Variants in KANSL1L observed in about 807,000 individuals in gnomAD.
KANSL1L encodes the protein KAT8 regulatory NSL complex subunit 1-like protein.
In KANSL1L, 25 loss-of-function variants were observed where a neutral mutation model predicts 108.6. That is an observed-to-expected ratio of 0.23 (90% CI 0.17 to 0.32). The LOEUF is 0.32. Among genes scored for constraint, KANSL1L ranks in the 10% least tolerant of loss-of-function variants. The pLI, the probability that KANSL1L is intolerant of heterozygous loss-of-function variation, is 1.00. For missense variants in KANSL1L, 1,137 were observed against 1,125.7 expected (o/e 1.01, Z -0.14); for synonymous variants, 405 against 395.1 (o/e 1.03, Z -0.30).
intron 6 of KANSL1L, among the ~76,000 whole-genome samples, chr2:210,068,378 C>G (rs903426541): frequency 6.6e-6 from 1 of 151,988 alleles, no homozygotes; most frequent in Non-Finnish European, 1.5e-5. Context: ...CCCACACACA[C>G]AGAGAATGCA....
chr2:210,149,495 A>G (rs1024949301), intron 2 of KANSL1L, among the ~76,000 whole-genome samples: 6 of 152,160 alleles, frequency 3.9e-5, no homozygotes, highest in Non-Finnish European at 8.8e-5. Flanking sequence ...TTGGTATTTT[A>G]TGTTTAAAGT....
chr2:210,057,756 T>G (rs1240546598), intron 6 of KANSL1L, among the ~76,000 whole-genome samples: 6 of 152,344 alleles, frequency 3.9e-5, no homozygotes, highest in Non-Finnish European at 5.9e-5. Flanking sequence ...TTCTTACGCC[T>G]GTCTTTACCA....
chr2:210,146,512 C>G (rs2095267036), intron 2 of KANSL1L, among the ~76,000 whole-genome samples: 1 of 152,176 alleles, frequency 6.6e-6, no homozygotes. Flanking sequence ...CCATATAGGA[C>G]ATAAATGCCA....
At chr2:210,093,608 CT>C (rs1357274563) in intron 5 of KANSL1L, among the ~76,000 whole-genome samples, 1 of 152,186 alleles carries the variant, frequency 6.6e-6, no homozygotes, top group Non-Finnish European at 1.5e-5. Flanking sequence ...GCTTTGCTTA[CT>C]TTTTGAGCTC....
chr2:210,103,850 G>T (rs529410849), intron 4 of KANSL1L, among the ~76,000 whole-genome samples: 8 of 151,760 alleles, frequency 5.3e-5, no homozygotes, highest in African/African-American at 1.9e-4. Flanking sequence ...TCTAATCCCT[G>T]TAAAAATAAA....
intron 1 of KANSL1L, among the ~76,000 whole-genome samples, chr2:210,164,440 A>G (rs2125682097): frequency 6.6e-6 from 1 of 152,256 alleles, no homozygotes; most frequent in South Asian, 2.1e-4. Flanking sequence ...ATTGGGCAGG[A>G]GTATTTGGAT....
chr2:210,057,465 G>C (rs1017672250), intron 6 of KANSL1L, among the ~76,000 whole-genome samples: 2 of 152,146 alleles, frequency 1.3e-5, no homozygotes, highest in Non-Finnish European at 2.9e-5. Context: ...ACTTTGGGAG[G>C]CTGAGACAGG....
At chr2:210,067,012 A>C (rs1193674366) in intron 6 of KANSL1L, among the ~76,000 whole-genome samples, 1 of 152,218 alleles carries the variant, frequency 6.6e-6, no homozygotes, top group Non-Finnish European at 1.5e-5. Flanking sequence ...GATAGCACGA[A>C]TAAAACAAAA....
chr2:210,058,502 G>C (rs751006577), intron 6 of KANSL1L, among the ~76,000 whole-genome samples: 4 of 151,868 alleles, frequency 2.6e-5, no homozygotes, highest in Non-Finnish European at 5.9e-5. Context: ...CACCCTATTC[G>C]TACAGTCCCC....
chr2:210,092,123 CTA>C (rs1397207844), intron 5 of KANSL1L, among the ~76,000 whole-genome samples: 2 of 152,098 alleles, frequency 1.3e-5, no homozygotes, highest in Non-Finnish European at 2.9e-5. Context: ...TTCACATTTC[CTA>C]TATGTCCAGA....
At chr2:210,040,772 A>G (rs61407359) in intron 7 of KANSL1L, among the ~76,000 whole-genome samples, 2,527 of 152,260 alleles carry the variant, frequency 0.017, 68 homozygotes, top group African/African-American at 0.058. Context: ...CTAACAGAGA[A>G]ACAACTTCAT....
chr2:210,096,716 T>G, intron 5 of KANSL1L: 1 of 956,898 alleles, frequency 1.0e-6, no homozygotes, highest in Non-Finnish European at 1.2e-6. Flanking sequence ...ATCATAGTTA[T>G]CCTATACAAT....
At chr2:210,060,230 T>A (rs2094405004) in intron 6 of KANSL1L, among the ~76,000 whole-genome samples, 1 of 152,208 alleles carries the variant, frequency 6.6e-6, no homozygotes, top group African/African-American at 2.4e-5. Context: ...ACTGGATTAT[T>A]TTATTAAACC....
chr2:210,172,103 T>A (rs1688371867), upstream of KANSL1L, among the ~76,000 whole-genome samples: 1 of 151,480 alleles, frequency 6.6e-6, no homozygotes, highest in Non-Finnish European at 1.5e-5. Context: ...ACAAACGGAG[T>A]TTATGTGGAG....
intron 6 of KANSL1L, among the ~76,000 whole-genome samples, chr2:210,049,960 T>G (rs2094271475): frequency 6.6e-6 from 1 of 152,164 alleles, no homozygotes; most frequent in South Asian, 2.1e-4. Flanking sequence ...ATCTACCAGT[T>G]TGTTGCATGG....
At chr2:210,055,589 G>C (rs1179597054) in intron 6 of KANSL1L, among the ~76,000 whole-genome samples, 3 of 152,168 alleles carry the variant, frequency 2.0e-5, no homozygotes, top group Non-Finnish European at 4.4e-5. Context: ...TGAAAATGCT[G>C]ATAGAGATAT....
intron 5 of KANSL1L, among the ~76,000 whole-genome samples, chr2:210,097,693 C>G (rs925245954): frequency 2.0e-5 from 3 of 151,978 alleles, no homozygotes; most frequent in Non-Finnish European, 2.9e-5. Flanking sequence ...TGATAGCTAC[C>G]AATGTTCTGT....
intron 6 of KANSL1L, among the ~76,000 whole-genome samples, chr2:210,048,705 T>C (rs1227793923): frequency 6.6e-6 from 1 of 152,126 alleles, no homozygotes; most frequent in Non-Finnish European, 1.5e-5. Context: ...ACTCTCATCA[T>C]GTGGCCTTAG....
intron 6 of KANSL1L, among the ~76,000 whole-genome samples, chr2:210,054,362 A>AT (rs1166344110): frequency 6.6e-6 from 1 of 150,868 alleles, no homozygotes; most frequent in Admixed American, 6.6e-5. Flanking sequence ...CTATAACACC[A>AT]TTTTTTACCT....
Sources: allele counts gnomAD v4.1 joint callset (sites outside exome capture counted in the v4.1 genomes callset), GRCh38; gene constraint gnomAD v4.1.1; transcripts MANE v1.5; gene names NCBI Gene and HGNC (gene_info 2026-07-23, HGNC 2026-07-21).